Variants in AGBL1 observed in about 807,000 individuals in gnomAD.
The protein encoded by AGBL1 is cytosolic carboxypeptidase 4.
Under a neutral mutation model 118.9 loss-of-function variants are expected in AGBL1, and 130 were observed. That is an observed-to-expected ratio of 1.09 (90% CI 0.95 to 1.26). AGBL1 has a LOEUF of 1.26. AGBL1 is among the 50% of genes most tolerant of loss of function. The pLI, the probability that AGBL1 is intolerant of heterozygous loss-of-function variation, is 0.00. For synonymous variants in AGBL1, 555 were observed against 478.9 expected (o/e 1.16, Z -2.08); for missense variants, 1,584 against 1,298.1 (o/e 1.22, Z -3.38).
At chr15:86,526,540 C>CTATATATATA in intron 19 of AGBL1, among the ~76,000 whole-genome samples, 1 of 48,662 alleles carries the variant, frequency 2.1e-5, no homozygotes, top group African/African-American at 8.0e-5. Flanking sequence ...ATGTTTGTGT[C>CTATATATATA]TGTGTATATA....
At chr15:86,258,520 T>A (rs2078933338) in intron 9 of AGBL1, among the ~76,000 whole-genome samples, 1 of 152,194 alleles carries the variant, frequency 6.6e-6, no homozygotes, top group South Asian at 2.1e-4. Context: ...GAAGTGTTGC[T>A]CTTTGGTCCC....
In AGBL1 at chr15:86,966,627, CA is replaced by C. The variant is rs377052338; in HGVS notation, c.3222-21359del. ...TGCTGAGAATGATGGTTTCCAGCTT[CA>C]TCCATGTCCCTACCAAGGTCATGAA... On this transcript the variant is annotated intron_variant, in intron 23 of 24. Coordinates refer to the AGBL1 transcript ENST00000441037. Among the ~76,000 whole-genome samples, 269 of 152,208 alleles carry C rather than the reference CA, an allele frequency of 1.8e-3. 1 individual carries two copies. Among genetic ancestry groups the C allele is most frequent in the African/African-American group, 6.2e-3 (258 of 41,556 alleles).
intron 17 of AGBL1, among the ~76,000 whole-genome samples, chr15:86,361,679 T>C (rs945138335): frequency 6.6e-6 from 1 of 152,114 alleles, no homozygotes; most frequent in Non-Finnish European, 1.5e-5. Flanking sequence ...ATTGAATGGA[T>C]CTTTTTGTAT....
intron 18 of AGBL1, among the ~76,000 whole-genome samples, chr15:86,503,770 T>A (rs187748283): frequency 6.6e-6 from 1 of 151,642 alleles, no homozygotes; most frequent in Non-Finnish European, 1.5e-5. Flanking sequence ...GTATCTAATT[T>A]ATTTTGGTTT....
At chr15:86,425,307 C>T (rs1404759126) in intron 18 of AGBL1, among the ~76,000 whole-genome samples, 3 of 151,902 alleles carry the variant, frequency 2.0e-5, no homozygotes, top group South Asian at 2.1e-4. Flanking sequence ...CCAAACACCA[C>T]ATGTTCTCAC....
In AGBL1 at chr15:86,236,949, G is replaced by GA. The variant is rs2078558750; in HGVS notation, c.527-10722_527-10721insA. Reference sequence around the variant, plus strand: ...TATGTGGGCGGGGGGGGGCGGGGGGGGGCGGGGGGGCGCCAAGTTGCCAGG... The same window carrying GA: ...TATGTGGGCGGGGGGGGGCGGGGGGGAGGCGGGGGGGCGCCAAGTTGCCAGG... On this transcript the variant is annotated intron_variant, in intron 6 of 22. Coordinates refer to ENST00000614907, the MANE Select transcript of AGBL1 (RefSeq NM_001386094.1). Among the ~76,000 whole-genome samples, 4 of 17,074 alleles carry GA rather than the reference G, an allele frequency of 2.3e-4. No homozygotes were observed. In the East Asian group the frequency reaches 7.0e-3, roughly 30 times the overall value. 11.2% of individuals were successfully genotyped at this position (17,074 alleles called of 152,430 possible).
chr15:86,186,402 A>G (rs1350837787), intron 5 of AGBL1, among the ~76,000 whole-genome samples: 2 of 152,246 alleles, frequency 1.3e-5, no homozygotes, highest in African/African-American at 4.8e-5. Context: ...AGAAAATGTT[A>G]TGCATTCCAA....
chr15:86,348,045 T>C (rs1246102439), intron 17 of AGBL1, among the ~76,000 whole-genome samples: 2 of 152,102 alleles, frequency 1.3e-5, no homozygotes, highest in East Asian at 3.9e-4. Flanking sequence ...ATCTGTTGTG[T>C]CCCCATGCGT....
intron 16 of AGBL1, among the ~76,000 whole-genome samples, chr15:86,283,054 C>T (rs1008314434): frequency 3.9e-5 from 6 of 151,986 alleles, no homozygotes; most frequent in South Asian, 4.2e-4. Context: ...GATAATCGTT[C>T]GTTTTATAGC....
At chr15:86,731,452 T>A (rs1017260494) in intron 22 of AGBL1, among the ~76,000 whole-genome samples, 2 of 152,188 alleles carry the variant, frequency 1.3e-5, no homozygotes, top group African/African-American at 4.8e-5. Flanking sequence ...GCTTTTTATA[T>A]TGTCACCAAC....
At chr15:86,223,501 A>C (rs1013668200) in intron 5 of AGBL1, among the ~76,000 whole-genome samples, 2 of 152,174 alleles carry the variant, frequency 1.3e-5, no homozygotes, top group African/African-American at 4.8e-5. Context: ...AACACCTTCC[A>C]TGTGTTCCGT....
At chr15:86,542,356 ATTTTTTTTTTTT>A (rs71144054) in intron 19 of AGBL1, among the ~76,000 whole-genome samples, 87 of 116,346 alleles carry the variant, frequency 7.5e-4, no homozygotes, top group African/African-American at 2.6e-3. Flanking sequence ...CACCATTGAG[ATTTTTTTTTTTT>A]TTTTTTTTTT....
At chr15:86,890,354 A>G (rs2141555243) in intron 22 of AGBL1, among the ~76,000 whole-genome samples, 1 of 152,056 alleles carries the variant, frequency 6.6e-6, no homozygotes, top group East Asian at 1.9e-4. Flanking sequence ...TTTCACTCTG[A>G]TTGATAATTG....
rs189026597 is a variant in AGBL1 at position 86,325,126 on chromosome 15, G to A, written c.2374+29718G>A. Among the ~76,000 whole-genome samples the A allele has an allele frequency of 3.3e-5, 5 of 152,324 alleles. No individual in the cohort carries two copies. In the East Asian group the frequency reaches 9.6e-4, roughly 29 times the overall value. ...TTTTAGAAATGTGTCTCTTCCATCA[G>A]TAGGCAGGATAGGATGGAGGCCTAG... On this transcript the variant is annotated intron_variant, in intron 17 of 22. Coordinates refer to ENST00000614907, the MANE Select transcript of AGBL1 (RefSeq NM_001386094.1).
intron 19 of AGBL1, among the ~76,000 whole-genome samples, chr15:86,544,261 C>T (rs544520558): frequency 3.3e-5 from 5 of 152,138 alleles, no homozygotes; most frequent in South Asian, 4.1e-4. Context: ...CTAGGTCAAT[C>T]GGGATGACTT....
intron 18 of AGBL1, among the ~76,000 whole-genome samples, chr15:86,493,881 A>G (rs540871637): frequency 1.3e-5 from 2 of 151,908 alleles, no homozygotes; most frequent in Admixed American, 1.3e-4. Flanking sequence ...GACTGCCCCG[A>G]CTATTTAGAC....
chr15:86,086,622 T>C (rs867073341), intron 1 of AGBL1, among the ~76,000 whole-genome samples: 1 of 152,162 alleles, frequency 6.6e-6, no homozygotes, highest in Non-Finnish European at 1.5e-5. Context: ...CTCCCTCCTT[T>C]CTTTCTTTTT....
intron 21 of AGBL1, among the ~76,000 whole-genome samples, chr15:86,583,685 T>C (rs2084206345): frequency 6.6e-6 from 1 of 152,126 alleles, no homozygotes; most frequent in African/African-American, 2.4e-5. Flanking sequence ...GAAGGATTTA[T>C]TTTCTTTTGA....
intron 22 of AGBL1, among the ~76,000 whole-genome samples, chr15:86,723,529 T>C (rs1415699786): frequency 6.6e-6 from 1 of 152,040 alleles, no homozygotes; most frequent in Non-Finnish European, 1.5e-5. Context: ...GGGGGAGGGA[T>C]AACATTAGGA....
Sources: allele counts gnomAD v4.1 joint callset (sites outside exome capture counted in the v4.1 genomes callset), GRCh38; gene constraint gnomAD v4.1.1; transcripts MANE v1.5; gene names NCBI Gene and HGNC (gene_info 2026-07-23, HGNC 2026-07-21).